The following NEDD4L variants were observed in gnomAD, a reference collection of about 807,000 sequenced individuals.
The protein encoded by NEDD4L is E3 ubiquitin-protein ligase NEDD4-like.
NEDD4L carries 54 observed loss-of-function variants against 148.9 expected under a neutral mutation model. The observed-to-expected ratio is 0.36, with a 90% CI of 0.29 to 0.45. NEDD4L has a LOEUF of 0.45. Among genes scored for constraint, NEDD4L ranks in the 20% least tolerant of loss-of-function variants. NEDD4L has a pLI of 1.00. For synonymous variants in NEDD4L, 433 were observed against 440.7 expected, an observed-to-expected ratio of 0.98 and a Z score of 0.22; for missense variants, 856 against 1,233.8, an observed-to-expected ratio of 0.69 and a Z score of 4.59.
intron 2 of NEDD4L, among the ~76,000 whole-genome samples, chr18:58,185,261 A>C (rs1428035990): frequency 6.6e-6 from 1 of 152,104 alleles, no homozygotes; most frequent in African/African-American, 2.4e-5. Flanking sequence ...TTTGGTAGGG[A>C]GCTTGGAATT....
At position 58,367,909 on chromosome 18, in the gene NEDD4L, G is replaced by A. The variant is rs1259097982; in HGVS notation, c.2185+42G>A. ...TAAAAATAGGTCAGTGCTGCTTGCG[G>A]TTTGCTAGTAGGTGTCTTATCTTTC... is the stretch of plus-strand genomic sequence containing the variant. On this transcript the variant is annotated intron_variant, in intron 22 of 30. Coordinates refer to ENST00000400345, the MANE Select transcript of NEDD4L (RefSeq NM_001144967.3). The A allele has an allele frequency of 3.1e-6, 5 of 1,609,470 alleles. No homozygotes were observed. The Admixed American group carries it at 6.7e-5, about 22-fold the overall frequency.
At chr18:58,138,920 G>A (rs1214574417) in intron 1 of NEDD4L, among the ~76,000 whole-genome samples, 1 of 152,228 alleles carries the variant, frequency 6.6e-6, no homozygotes. Context: ...GTCCCTGACA[G>A]GGTTAGGCAC....
At position 58,340,878 on chromosome 18, in the gene NEDD4L, A is replaced by G. The variant is rs970217489; in HGVS notation, c.1126-160A>G. On this transcript the variant is annotated intron_variant, in intron 13 of 30. Transcript: ENST00000400345. ...CACAGTAGATTTGAAGCTGTTGGAA[A>G]TCTATTGCTGTTTTCCAGACACTTG... The G allele has an allele frequency of 4.4e-5, 30 of 684,928 alleles. 1 individual carries two copies. Among genetic ancestry groups the G allele is most frequent in the South Asian group, 4.4e-4 (20 of 45,844 alleles). 42.4% of individuals were successfully genotyped at this position (684,928 alleles called of 1,614,324 possible).
Position 58,271,639 on chromosome 18 carries a change from C to T in NEDD4L, c.297+19585C>T, listed in dbSNP as rs933451765. ...CCAAGAAGCTTAGATTATAAATTAA[C>T]GAAAACCAAATTATAAACCAAGGTG... On this transcript the variant is annotated intron_variant, in intron 5 of 30. Coordinates refer to ENST00000400345, the MANE Select transcript of NEDD4L (RefSeq NM_001144967.3). Among the ~76,000 whole-genome samples the T allele has an allele frequency of 3.9e-5, 6 of 152,134 alleles. 1 individual carries two copies. The East Asian group carries it at 5.8e-4, about 15-fold the overall frequency.
intron 2 of NEDD4L, among the ~76,000 whole-genome samples, chr18:58,179,418 G>A (rs577806528): frequency 6.6e-5 from 10 of 152,132 alleles, no homozygotes; most frequent in Admixed American, 2.0e-4. Flanking sequence ...CCAAAGAGTC[G>A]TCCTTTACTC....
rs1278558329 is a variant in NEDD4L, at chr18:58,357,252, G to A, written c.1767G>A (p.Pro589=). ...PRLQNPAITG[P]AVPYSREFKQ... is the part of the protein sequence containing the mutation. ...TGCAGAACCCAGCTATTACTGGTCC[G>A]GTCAGTATTTTCAAATTCTGCCTCT... The change falls in exon 19 of 31, where the codon CCG becomes CCA. Residue 589 remains proline (P), a splice_region_variant and synonymous_variant. Coordinates refer to ENST00000400345, the MANE Select transcript of NEDD4L (RefSeq NM_001144967.3). 4 of 1,611,762 alleles carry A rather than the reference G, an allele frequency of 2.5e-6. No individual in the cohort carries two copies. The highest frequency in any genetic ancestry group is 3.4e-6 in the Non-Finnish European group (4 of 1,178,430).
At chr18:58,107,753 G>A (rs1246088839) in intron 1 of NEDD4L, among the ~76,000 whole-genome samples, 1 of 151,742 alleles carries the variant, frequency 6.6e-6, no homozygotes, top group Non-Finnish European at 1.5e-5. Context: ...AACAGAGTCA[G>A]TCGTGGACAA....
rs59388354 is a variant in NEDD4L, at chr18:58,350,434, G to C, written c.1654-557G>C. Reference sequence around the variant, plus strand: ...AAAGAAAGCATTTTTTTCTGAATCTGTTGGATTCCTGAGGTTCAGATAGCA... The same window carrying C: ...AAAGAAAGCATTTTTTTCTGAATCTCTTGGATTCCTGAGGTTCAGATAGCA... On this transcript the variant is annotated intron_variant, in intron 17 of 30. Coordinates refer to ENST00000400345, the MANE Select transcript of NEDD4L (RefSeq NM_001144967.3). Among the ~76,000 whole-genome samples, 1,192 of 152,266 alleles carry C rather than the reference G, an allele frequency of 7.8e-3. 21 individuals are homozygous for C. Among genetic ancestry groups the C allele is most frequent in the African/African-American group, 0.027 (1,122 of 41,552 alleles).
chr18:58,127,106 C>A (rs562236151), intron 1 of NEDD4L, among the ~76,000 whole-genome samples: 2 of 152,334 alleles, frequency 1.3e-5, no homozygotes, highest in East Asian at 1.9e-4. Context: ...GATAGCAAAC[C>A]CCGTCTCCTG....
intron 1 of NEDD4L, among the ~76,000 whole-genome samples, chr18:58,139,108 T>C (rs1308646332): frequency 6.6e-6 from 1 of 152,254 alleles, no homozygotes; most frequent in Non-Finnish European, 1.5e-5. Flanking sequence ...GTACTTATTT[T>C]TGATCACTTA....
At chr18:58,392,041 G>A (rs1356384542) in intron 30 of NEDD4L, among the ~76,000 whole-genome samples, 1 of 152,244 alleles carries the variant, frequency 6.6e-6, no homozygotes, top group Non-Finnish European at 1.5e-5. Context: ...GAGGGTAAGA[G>A]GGCTGACACG....
chr18:58,346,047 C>G (rs1465614471), intron 16 of NEDD4L, among the ~76,000 whole-genome samples: 1 of 151,994 alleles, frequency 6.6e-6, no homozygotes, highest in African/African-American at 2.4e-5. Context: ...GCATGAGACA[C>G]CCTGCCAGGC....
chr18:58,266,595 T>A lies in NEDD4L; in HGVS notation c.297+14541T>A, dbSNP rs911954983. 3.0e-4 allele frequency among the ~76,000 whole-genome samples: 46 copies of A among 152,268 alleles called. 1 individual carries two copies. Among genetic ancestry groups the A allele is most frequent in the African/African-American group, 1.1e-3 (45 of 41,562 alleles). On this transcript the variant is annotated intron_variant, in intron 5 of 30. Coordinates refer to ENST00000400345, the MANE Select transcript of NEDD4L (RefSeq NM_001144967.3). The stretch of plus-strand genomic sequence containing the variant: ...TTGCAAAGTAGGTCTTGTAGGTGAA[T>A]CACACAAACGGATTAACAAGAAAGA...
intron 2 of NEDD4L, chr18:58,221,876 C>A: frequency 3.5e-6 from 1 of 289,464 alleles, no homozygotes; most frequent in Non-Finnish European, 5.2e-6. Context: ...TAGCATGTAC[C>A]AAGATTTTCA....
intron 2 of NEDD4L, among the ~76,000 whole-genome samples, chr18:58,231,238 A>G (rs1178320886): frequency 2.8e-5 from 1 of 35,672 alleles, no homozygotes; most frequent in African/African-American, 6.3e-4. Context: ...ACCCTATCTC[A>G]AAAAAAAAAA....
chr18:58,348,325 TC>T (rs1255579744), intron 16 of NEDD4L, among the ~76,000 whole-genome samples: 7 of 130,786 alleles, frequency 5.4e-5, no homozygotes, highest in African/African-American at 2.0e-4. Flanking sequence ...TTCTTTTTTT[TC>T]TTTTTTTTTT....
intron 8 of NEDD4L, among the ~76,000 whole-genome samples, chr18:58,324,166 T>C (rs1228512916): frequency 6.6e-6 from 1 of 152,244 alleles, no homozygotes; most frequent in Non-Finnish European, 1.5e-5. Flanking sequence ...AATGTTAACA[T>C]TTCATAAGCA....
chr18:58,069,980 G>A (rs775443924), intron 1 of NEDD4L, among the ~76,000 whole-genome samples: 41 of 152,148 alleles, frequency 2.7e-4, no homozygotes. Flanking sequence ...TCAGAAGTCT[G>A]TTAAACCACT....
rs568047248 is a variant in NEDD4L at position 58,201,306 on chromosome 18, T to G, written c.122+35445T>G. 1.7e-4 allele frequency among the ~76,000 whole-genome samples: 26 copies of G among 152,026 alleles called. No homozygotes were observed. The South Asian group carries it at 4.8e-3, about 28-fold the overall frequency. On this transcript the variant is annotated intron_variant, in intron 2 of 30. Transcript: ENST00000400345. ...CGAGATCACGCCACTGTACTCCAGC[T>G]TGGGTGACAGAGTGTGATCCTGTCT...
Sources: gnomAD v4.1 joint callset for allele counts (sites outside exome capture counted in the v4.1 genomes callset) on GRCh38, gnomAD v4.1.1 for gene constraint, MANE v1.5 for transcripts, NCBI Gene and HGNC (gene_info 2026-07-23, HGNC 2026-07-21) for gene names.